ATP6V1A: variants seen among roughly 807,000 people sequenced by gnomAD.
ATP6V1A encodes the protein ATPase H+ transporting V1 subunit A, also known as V-type proton ATPase catalytic subunit A.
A neutral mutation model predicts 70.1 loss-of-function variants in ATP6V1A; 18 were observed. The ratio of observed to expected loss-of-function variants is 0.26; its 90% CI spans 0.18 to 0.38. The LOEUF is 0.38. Ranked by LOEUF, ATP6V1A falls within the 10% of genes least tolerant of loss-of-function variation. The pLI is 1.00. For synonymous variants in ATP6V1A, 232 were observed against 253.8 expected, an observed-to-expected ratio of 0.91 and a Z score of 0.82; for missense variants, 424 against 772.4, an observed-to-expected ratio of 0.55 and a Z score of 5.35.
intron 1 of ATP6V1A, among the ~76,000 whole-genome samples, chr3:113,766,387 C>T (rs1288146267): frequency 1.3e-5 from 2 of 152,074 alleles, no homozygotes; most frequent in Admixed American, 1.3e-4. Flanking sequence ...CCTCAACCTC[C>T]CAGGCTCAAG....
intron 1 of ATP6V1A, among the ~76,000 whole-genome samples, chr3:113,750,515 G>A (rs1220839594): frequency 1.3e-5 from 2 of 152,052 alleles, no homozygotes; most frequent in Non-Finnish European, 2.9e-5. Context: ...AAAAAACTAA[G>A]TGGTGTGTAA....
intron 6 of ATP6V1A, among the ~76,000 whole-genome samples, chr3:113,787,059 C>T (rs1256436318): frequency 2.0e-5 from 3 of 152,152 alleles, no homozygotes; most frequent in East Asian, 3.8e-4. Context: ...GGATTACAGG[C>T]GTGAGCCATT....
At chr3:113,756,073 A>G (rs1466439232) in intron 1 of ATP6V1A, among the ~76,000 whole-genome samples, 2 of 152,174 alleles carry the variant, frequency 1.3e-5, no homozygotes, top group African/African-American at 4.8e-5. Context: ...ATAACAACCT[A>G]TGAGATAGGC....
chr3:113,780,885 T>G, intron 2 of ATP6V1A, 165 bp from the exon 3 acceptor site: 1 of 1,299,902 alleles, frequency 7.7e-7, no homozygotes, highest in Non-Finnish European at 1.0e-6. Flanking sequence ...CACTAAAATA[T>G]ATATCTATGT....
At chr3:113,792,668 A>G (rs1709108781) in intron 8 of ATP6V1A, among the ~76,000 whole-genome samples, 1 of 152,168 alleles carries the variant, frequency 6.6e-6, no homozygotes. Context: ...ATTTCTTAGA[A>G]GCAAAATTCC....
intron 6 of ATP6V1A, among the ~76,000 whole-genome samples, chr3:113,786,969 C>T (rs1424157303): frequency 1.3e-5 from 2 of 151,800 alleles, no homozygotes; most frequent in African/African-American, 4.8e-5. Context: ...TGGTAGAGAC[C>T]GGGTTTGACT....
intron 3 of ATP6V1A, 76 bp downstream of exon 3, chr3:113,781,254 A>C: frequency 6.8e-7 from 1 of 1,468,402 alleles, no homozygotes; most frequent in Non-Finnish European, 9.1e-7. Context: ...ATAGTGCCTC[A>C]CACAAAGTAA....
At chr3:113,790,948 T>A (rs777658319) in intron 8 of ATP6V1A, among the ~76,000 whole-genome samples, 39 of 152,278 alleles carry the variant, frequency 2.6e-4, no homozygotes, top group Non-Finnish European at 5.1e-4. Flanking sequence ...TTTTTCCTTT[T>A]GTAGGTGATT....
At chr3:113,794,230 C>G (rs1359149064) in intron 8 of ATP6V1A, among the ~76,000 whole-genome samples, 1 of 152,104 alleles carries the variant, frequency 6.6e-6, no homozygotes, top group Non-Finnish European at 1.5e-5. Context: ...TGAAAAGTAA[C>G]CACCCAAGCT....
intron 1 of ATP6V1A, among the ~76,000 whole-genome samples, chr3:113,763,522 C>T (rs1194645865): frequency 6.6e-6 from 1 of 152,212 alleles, no homozygotes; most frequent in Non-Finnish European, 1.5e-5. Flanking sequence ...TTGCCATGTG[C>T]AGAAGCTTTA....
chr3:113,803,288 A>C (rs1310679455), intron 12 of ATP6V1A: 1 of 230,954 alleles, frequency 4.3e-6, no homozygotes, highest in African/African-American at 2.3e-5. Context: ...GTTACTGTTT[A>C]ATGGATGTTT....
intron 1 of ATP6V1A, among the ~76,000 whole-genome samples, chr3:113,762,553 A>C (rs1708717221): frequency 6.6e-6 from 1 of 151,956 alleles, no homozygotes; most frequent in South Asian, 2.1e-4. Flanking sequence ...AGGCAACAAG[A>C]GCAAAACTCC....
intron 1 of ATP6V1A, among the ~76,000 whole-genome samples, chr3:113,763,208 C>T (rs1259717881): frequency 6.6e-6 from 1 of 152,144 alleles, no homozygotes; most frequent in South Asian, 2.1e-4. Context: ...CTGCCTCAGC[C>T]TCCTGAGTAG....
intron 1 of ATP6V1A, among the ~76,000 whole-genome samples, chr3:113,748,592 G>A (rs1055117962): frequency 2.0e-5 from 3 of 152,052 alleles, no homozygotes; most frequent in African/African-American, 7.2e-5. Context: ...TACAATAAAC[G>A]GTCTTATTTT....
intron 12 of ATP6V1A, among the ~76,000 whole-genome samples, chr3:113,801,937 A>T (rs970318390): frequency 6.6e-6 from 1 of 151,774 alleles, no homozygotes; most frequent in African/African-American, 2.4e-5. Flanking sequence ...AAAAAACAAA[A>T]CTGGAGACCT....
intron 3 of ATP6V1A, 65 bp downstream of exon 3, chr3:113,781,243 C>G: frequency 6.6e-7 from 1 of 1,511,490 alleles, no homozygotes; most frequent in Non-Finnish European, 8.9e-7. Flanking sequence ...TTAGGCCAGG[C>G]ATAGTGCCTC....
At chr3:113,750,924 A>T (rs538705451) in intron 1 of ATP6V1A, among the ~76,000 whole-genome samples, 1 of 152,196 alleles carries the variant, frequency 6.6e-6, no homozygotes, top group Non-Finnish European at 1.5e-5. Flanking sequence ...TGTAGCAAAG[A>T]TTCTAAAACA....
At chr3:113,803,714 T>C (rs780781799) in intron 13 of ATP6V1A, 37 bp downstream of exon 13, 1 of 1,522,918 alleles carries the variant, frequency 6.6e-7, no homozygotes, top group Non-Finnish European at 9.0e-7. Flanking sequence ...ATTTGAGGAT[T>C]TTCTGTTGTG....
intron 12 of ATP6V1A, among the ~76,000 whole-genome samples, chr3:113,800,162 G>A (rs977329941): frequency 6.6e-6 from 1 of 151,690 alleles, no homozygotes; most frequent in Non-Finnish European, 1.5e-5. Context: ...AACCTGGGAG[G>A]CGGAGGTTGC....
Sources: gnomAD v4.1 joint callset for allele counts (sites outside exome capture counted in the v4.1 genomes callset) on GRCh38, gnomAD v4.1.1 for gene constraint, MANE v1.5 for transcripts, NCBI Gene and HGNC (gene_info 2026-07-23, HGNC 2026-07-21) for gene names.